Variants in UNC5D observed in about 807,000 individuals in gnomAD.
UNC5D encodes the protein unc-5 netrin receptor D, also known as netrin receptor UNC5D.
Under a neutral mutation model 105.4 loss-of-function variants are expected in UNC5D, and 39 were observed. That is an observed-to-expected ratio of 0.37 (90% CI 0.29 to 0.48). The LOEUF (loss-of-function observed/expected upper bound fraction) is 0.48, where lower values mean the gene tolerates loss of function less well. UNC5D is among the 20% of genes least tolerant of loss of function. UNC5D has a pLI of 0.98. For synonymous variants in UNC5D, 452 were observed against 450.4 expected (o/e 1.00, Z -0.04); for missense variants, 991 against 1,202.4 (o/e 0.82, Z 2.60).
chr8:35,783,802 A>G (rs555507710), intron 16 of UNC5D, among the ~76,000 whole-genome samples: 5 of 152,266 alleles, frequency 3.3e-5, no homozygotes, highest in African/African-American at 1.2e-4. Flanking sequence ...CTGTGTTGCA[A>G]TAATTTATAA....
chr8:35,577,173 G>A (rs1375728458), intron 3 of UNC5D, among the ~76,000 whole-genome samples: 1 of 152,038 alleles, frequency 6.6e-6, no homozygotes, highest in Non-Finnish European at 1.5e-5. Flanking sequence ...TTAAAATCAA[G>A]GACATTTTCT....
intron 1 of UNC5D, 115 bp downstream of exon 1, chr8:35,236,002 C>A: frequency 1.0e-6 from 1 of 952,478 alleles, no homozygotes; most frequent in Non-Finnish European, 1.4e-6. Context: ...CACCTCGGCG[C>A]TCCAAGCCCA....
At chr8:35,697,335 G>GTT (rs34967495) in intron 7 of UNC5D, among the ~76,000 whole-genome samples, 2 of 139,324 alleles carry the variant, frequency 1.4e-5, no homozygotes, top group Non-Finnish European at 3.1e-5. Context: ...TTCAGATTAT[G>GTT]TTTTTTTTTT....
In UNC5D at chr8:35,675,030, C is replaced by T. The variant is rs76033977; in HGVS notation, c.571-8517C>T. Among the ~76,000 whole-genome samples the T allele has an allele frequency of 5.8e-3, 888 of 152,174 alleles. 11 individuals carry two copies. The highest frequency in any genetic ancestry group is 0.019 in the African/African-American group (802 of 41,496). ...ACTAGATATGGTTGTCTTCCCAAGA[C>T]GTTTTTTACTATAGTGTGAAAAAAA... On this transcript the variant is annotated intron_variant, in intron 4 of 16. Coordinates refer to ENST00000404895, the MANE Select transcript of UNC5D (RefSeq NM_080872.4).
intron 1 of UNC5D, among the ~76,000 whole-genome samples, chr8:35,240,134 G>C (rs1001653796): frequency 7.9e-5 from 12 of 152,038 alleles, no homozygotes; most frequent in African/African-American, 2.9e-4. Context: ...TTTGTTTGTA[G>C]AGATTAGCTC....
chr8:35,581,545 C>A (rs1818469894), intron 3 of UNC5D, among the ~76,000 whole-genome samples: 1 of 152,104 alleles, frequency 6.6e-6, no homozygotes. Context: ...TATTTGATAG[C>A]ATAACAATGT....
chr8:35,248,715 T>TAAAATATATA (rs1367586077), intron 1 of UNC5D, among the ~76,000 whole-genome samples: 1 of 99,728 alleles, frequency 1.0e-5, no homozygotes, highest in Non-Finnish European at 1.7e-5. Context: ...ATAATATATA[T>TAAAATATATA]AAAATATATA....
At chr8:35,327,881 G>A (rs1810295634) in intron 1 of UNC5D, among the ~76,000 whole-genome samples, 1 of 152,192 alleles carries the variant, frequency 6.6e-6, no homozygotes, top group African/African-American at 2.4e-5. Context: ...GCAGCTGTTA[G>A]ATACACTACT....
At position 35,749,604 on chromosome 8, in the gene UNC5D, A is replaced by G. The variant is rs540803539; in HGVS notation, c.1935+909A>G. Among the ~76,000 whole-genome samples, 3 of 152,306 alleles carry G rather than the reference A, an allele frequency of 2.0e-5. No homozygotes were observed. In the East Asian group the frequency reaches 5.8e-4, roughly 29 times the overall value. On this transcript the variant is annotated intron_variant, in intron 12 of 16. Transcript: ENST00000404895. Reference sequence around the variant, plus strand: ...CTTGAAACTATTTTCTTTGTTCCAGAATGCATTCTGCTATTTAGTGCGTTT... The same window carrying G: ...CTTGAAACTATTTTCTTTGTTCCAGGATGCATTCTGCTATTTAGTGCGTTT...
chr8:35,444,400 T>C (rs1406816621), intron 1 of UNC5D, among the ~76,000 whole-genome samples: 1 of 152,096 alleles, frequency 6.6e-6, no homozygotes, highest in Non-Finnish European at 1.5e-5. Context: ...CAGACTTCTT[T>C]TCTTTCTTTT....
At chr8:35,655,832 A>T (rs1823696804) in intron 4 of UNC5D, among the ~76,000 whole-genome samples, 1 of 152,162 alleles carries the variant, frequency 6.6e-6, no homozygotes, top group African/African-American at 2.4e-5. Flanking sequence ...AAACAGCTAC[A>T]ATGTGTAGGG....
intron 1 of UNC5D, among the ~76,000 whole-genome samples, chr8:35,301,983 G>T (rs866118386): frequency 4.6e-5 from 7 of 152,110 alleles, no homozygotes; most frequent in Non-Finnish European, 7.3e-5. Flanking sequence ...GAATGAGAGA[G>T]AACAAACCTG....
intron 1 of UNC5D, chr8:35,544,447 G>C (rs1399924632): frequency 1.2e-6 from 2 of 1,613,798 alleles, no homozygotes; most frequent in Non-Finnish European, 1.7e-6. Flanking sequence ...TCTGGGGGTG[G>C]ATGATCCTGG....
At chr8:35,313,774 A>G (rs778917433) in intron 1 of UNC5D, among the ~76,000 whole-genome samples, 3 of 152,178 alleles carry the variant, frequency 2.0e-5, no homozygotes, top group Non-Finnish European at 4.4e-5. Flanking sequence ...CATTTGTTAC[A>G]TGGACATAAT....
intron 11 of UNC5D, among the ~76,000 whole-genome samples, chr8:35,733,874 CCAGA>C (rs891899976): frequency 3.3e-4 from 50 of 152,082 alleles, no homozygotes; most frequent in African/African-American, 1.0e-3. Flanking sequence ...TAGGAATTAG[CCAGA>C]CAAAGAAAGG....
chr8:35,607,855 C>T (rs1386065908), intron 4 of UNC5D, among the ~76,000 whole-genome samples: 1 of 148,540 alleles, frequency 6.7e-6, no homozygotes, highest in East Asian at 1.9e-4. Flanking sequence ...AACCCTAACC[C>T]CTAACCCTAA....
At chr8:35,595,442 T>G (rs998859508) in intron 3 of UNC5D, 112 bp from the exon 4 acceptor site, 10 of 752,558 alleles carry the variant, frequency 1.3e-5, no homozygotes, top group Non-Finnish European at 2.2e-5. Flanking sequence ...GACTTATTTT[T>G]GTGTGTGTGT....
At chr8:35,732,215 C>A (rs945918328) in intron 11 of UNC5D, among the ~76,000 whole-genome samples, 3 of 152,146 alleles carry the variant, frequency 2.0e-5, no homozygotes, top group African/African-American at 7.2e-5. Context: ...ATTTTGATAG[C>A]TATTTCTATA....
chr8:35,728,095 A>AAAAAAAAAATAT (rs34672872), intron 10 of UNC5D, among the ~76,000 whole-genome samples: 30 of 110,354 alleles, frequency 2.7e-4, no homozygotes, highest in Admixed American at 2.5e-3. Context: ...AAAAAAAAAA[A>AAAAAAAAAATAT]ATATATATAT....
Sources: allele counts gnomAD v4.1 joint callset (sites outside exome capture counted in the v4.1 genomes callset), GRCh38; gene constraint gnomAD v4.1.1; transcripts MANE v1.5; gene names NCBI Gene and HGNC (gene_info 2026-07-23, HGNC 2026-07-21).